Variants in ACER3 observed in about 807,000 individuals in gnomAD.
ACER3 encodes the protein alkCDase 3.
In ACER3, 16 loss-of-function variants were observed where a neutral mutation model predicts 48.9. The observed-to-expected ratio is 0.33, with a 90% confidence interval of 0.22 to 0.50. The LOEUF (loss-of-function observed/expected upper bound fraction) is 0.50, where lower values mean the gene tolerates loss of function less well. ACER3 is among the 20% of genes least tolerant of loss of function. ACER3 has a pLI of 0.98. For synonymous variants in ACER3, 109 were observed against 107.8 expected (o/e 1.01, Z -0.07); for missense variants, 227 against 326.0 (o/e 0.70, Z 2.34).
chr11:76,945,534 G>C (rs1230464907), intron 2 of ACER3, among the ~76,000 whole-genome samples: 3 of 152,170 alleles, frequency 2.0e-5, no homozygotes, highest in Non-Finnish European at 4.4e-5. Context: ...AGATGAGGCT[G>C]TGGTGAAGTT....
At chr11:76,861,597 G>A (rs1180984887) in intron 1 of ACER3, among the ~76,000 whole-genome samples, 1 of 152,156 alleles carries the variant, frequency 6.6e-6, no homozygotes, top group Non-Finnish European at 1.5e-5. Context: ...CTCACCTCCA[G>A]GGAACAGTTT....
At chr11:76,965,870 A>C (rs1240566260) in intron 3 of ACER3, among the ~76,000 whole-genome samples, 1 of 151,336 alleles carries the variant, frequency 6.6e-6, no homozygotes, top group African/African-American at 2.5e-5. Flanking sequence ...AATTGTAAAG[A>C]CCATCAAGGC....
Position 76,970,429 on chromosome 11 carries a change from C to T in ACER3, c.268-5860C>T, listed in dbSNP as rs192437514. Reference sequence around the variant, plus strand: ...CCAAATTGAAGGACATTATACAAAACATCTGGCCTATCATCTTCAGAAGTA... The same window carrying T: ...CCAAATTGAAGGACATTATACAAAATATCTGGCCTATCATCTTCAGAAGTA... On this transcript the variant is annotated intron_variant, in intron 3 of 10. Coordinates refer to ENST00000532485, the MANE Select transcript of ACER3 (RefSeq NM_018367.7). Among the ~76,000 whole-genome samples, 678 of 152,254 alleles carry T rather than the reference C, an allele frequency of 4.5e-3. 5 individuals carry two copies. Among genetic ancestry groups the T allele is most frequent in the Middle Eastern group, 0.01 (3 of 294 alleles).
chr11:77,005,036 C>CTTTTTTTTT, intron 7 of ACER3, among the ~76,000 whole-genome samples: 1 of 112,866 alleles, frequency 8.9e-6, no homozygotes, highest in Non-Finnish European at 1.9e-5. Context: ...TAAACTTTTT[C>CTTTTTTTTT]TTTTTTTTTT....
intron 3 of ACER3, among the ~76,000 whole-genome samples, chr11:76,965,487 A>G (rs1289939515): frequency 2.6e-5 from 4 of 151,260 alleles, no homozygotes; most frequent in Non-Finnish European, 5.9e-5. Flanking sequence ...GAGAGGAGCA[A>G]CTCCAAGACA....
At chr11:76,938,252 C>A (rs1030891715) in intron 2 of ACER3, among the ~76,000 whole-genome samples, 2 of 151,712 alleles carry the variant, frequency 1.3e-5, no homozygotes, top group East Asian at 3.9e-4. Flanking sequence ...TGGGCTCAAG[C>A]GATTCGCTCA....
chr11:76,986,816 G>A (rs1948694880), intron 5 of ACER3, among the ~76,000 whole-genome samples: 1 of 152,216 alleles, frequency 6.6e-6, no homozygotes, highest in Non-Finnish European at 1.5e-5. Flanking sequence ...TGTAATCCCA[G>A]CACTTTGGGA....
At chr11:76,997,599 C>T (rs1045019677) in intron 6 of ACER3, among the ~76,000 whole-genome samples, 1 of 152,118 alleles carries the variant, frequency 6.6e-6, no homozygotes, top group African/African-American at 2.4e-5. Context: ...TATTCATATA[C>T]ATAGCTTCTT....
rs59504202 is a variant in ACER3 at position 77,010,163 on chromosome 11, A to AAATAATAATAAT, written c.498-4829_498-4818dup. On this transcript the variant is annotated intron_variant, in intron 7 of 10. Transcript: ENST00000532485. ...TCTTGTGAGACCCTGTCTCTACCAGAAATAATAATAATAATAATAATAATA... is the reference window on the plus strand; with the variant it reads ...TCTTGTGAGACCCTGTCTCTACCAGAAATAATAATAATAATAATAATAATAATAATAATAATA... Among the ~76,000 whole-genome samples, 914 of 146,460 alleles carry AAATAATAATAAT rather than the reference A, an allele frequency of 6.2e-3. 8 individuals are homozygous for AAATAATAATAAT. The highest frequency in any genetic ancestry group is 0.021 in the African/African-American group (827 of 39,172).
rs548659344 is a variant in ACER3, at chr11:76,934,289, G to A, written c.214+7622G>A. ...CTCCTCACTTCCCAGACGGGGTGGC[G>A]GCCGGGCAGAGGCTGCAATCTCGGC... On this transcript the variant is annotated intron_variant, in intron 2 of 10. Transcript: ENST00000532485. Among the ~76,000 whole-genome samples, 27 of 152,286 alleles carry A rather than the reference G, an allele frequency of 1.8e-4. No individual in the cohort carries two copies. The South Asian group carries it at 3.9e-3, about 22-fold the overall frequency.
chr11:76,874,409 A>C (rs534548547), intron 1 of ACER3, among the ~76,000 whole-genome samples: 67 of 151,998 alleles, frequency 4.4e-4, no homozygotes, highest in Admixed American at 1.2e-3. Flanking sequence ...AAGTTAAAAA[A>C]AAAAAACAAA....
chr11:76,922,492 T>C (rs1369272450), intron 1 of ACER3, among the ~76,000 whole-genome samples: 1 of 152,168 alleles, frequency 6.6e-6, no homozygotes, highest in African/African-American at 2.4e-5. Flanking sequence ...TATATAACTC[T>C]CAATCTGTCT....
rs140736549 is a variant in ACER3 at position 76,934,750 on chromosome 11, G to A, written c.214+8083G>A. On this transcript the variant is annotated intron_variant, in intron 2 of 10. Coordinates refer to ENST00000532485, the MANE Select transcript of ACER3 (RefSeq NM_018367.7). ...GTGGAAAGAGAGGGAGAGGGAGACC[G>A]TGGGGAGACGGAGAGGGAGAAGGAG... Among the ~76,000 whole-genome samples, 14 of 143,740 alleles carry A rather than the reference G, an allele frequency of 9.7e-5. No homozygotes were observed. The East Asian group carries it at 1.5e-3, about 16-fold the overall frequency. 94.3% of individuals were successfully genotyped at this position (143,740 alleles called of 152,430 possible).
chr11:77,025,412 T>TATATATATATATATATATATATATA lies in ACER3; in HGVS notation c.*5085_*5086insATATATATATATATATATATATATA, dbSNP rs575045221. 208 of 68,858 alleles carry TATATATATATATATATATATATATA rather than the reference T, an allele frequency of 3.0e-3. 1 individual carries two copies. Among genetic ancestry groups the TATATATATATATATATATATATATA allele is most frequent in the African/African-American group, 8.5e-3 (197 of 23,100 alleles). The allele number at this position is 68,858 out of a possible 1,614,324, so 4.3% of individuals were successfully genotyped here. On this transcript the variant is annotated 3_prime_UTR_variant, in exon 11 of 11. Coordinates refer to ENST00000532485, the MANE Select transcript of ACER3 (RefSeq NM_018367.7). ...ATTCTTTATATATATATATATATAT[T>TATATATATATATATATATATATATA]TATTTATTTTTTTGAGACAGAGTCT...
At chr11:76,949,123 T>C (rs951715817) in intron 2 of ACER3, among the ~76,000 whole-genome samples, 1 of 152,188 alleles carries the variant, frequency 6.6e-6, no homozygotes, top group African/African-American at 2.4e-5. Flanking sequence ...TGAAAAACTT[T>C]GGCTGGTAGT....
chr11:76,910,376 AT>A (rs1348331829), intron 1 of ACER3, among the ~76,000 whole-genome samples: 1 of 152,236 alleles, frequency 6.6e-6, no homozygotes, highest in East Asian at 1.9e-4. Context: ...TGAATCTATT[AT>A]TTTTTCTAAC....
At chr11:76,944,523 A>C (rs1371691339) in intron 2 of ACER3, among the ~76,000 whole-genome samples, 1 of 152,122 alleles carries the variant, frequency 6.6e-6, no homozygotes, top group African/African-American at 2.4e-5. Flanking sequence ...CACTTTGATA[A>C]TGCCATTCCA....
chr11:77,016,107 A>AGG (rs58843804), intron 8 of ACER3, among the ~76,000 whole-genome samples: 12 of 127,572 alleles, frequency 9.4e-5, no homozygotes, highest in African/African-American at 3.7e-4. Context: ...ACTCCGTCTC[A>AGG]GGGAAAAAAA....
At chr11:76,960,238 G>A (rs1409030913) in intron 3 of ACER3, among the ~76,000 whole-genome samples, 4 of 152,002 alleles carry the variant, frequency 2.6e-5, no homozygotes, top group African/African-American at 4.8e-5. Flanking sequence ...TGGAAACCCC[G>A]TCTCTACTAA....
Sources: allele counts gnomAD v4.1 joint callset (sites outside exome capture counted in the v4.1 genomes callset), GRCh38; gene constraint gnomAD v4.1.1; transcripts MANE v1.5; gene names NCBI Gene and HGNC (gene_info 2026-07-23, HGNC 2026-07-21).